PCMT1: variants seen among roughly 807,000 people sequenced by gnomAD.
PCMT1 encodes protein-L-isoaspartate(D-aspartate) O-methyltransferase.
PCMT1 carries 9 observed loss-of-function variants against 29.2 expected under a neutral mutation model. That is an observed-to-expected ratio of 0.31 (90% confidence interval 0.19 to 0.54). PCMT1 has a LOEUF of 0.54. Among genes scored for constraint, PCMT1 ranks in the 20% least tolerant of loss-of-function variants. The pLI is 0.95. For missense variants in PCMT1, 184 were observed against 282.2 expected (o/e 0.65, Z 2.49); for synonymous variants, 98 against 97.5 (o/e 1.00, Z -0.03).
At chr6:149,784,716 G>A (rs1047611061) in intron 3 of PCMT1, among the ~76,000 whole-genome samples, 9 of 151,902 alleles carry the variant, frequency 5.9e-5, no homozygotes, top group African/African-American at 2.2e-4. Flanking sequence ...CACCCACCTC[G>A]GCCTCCCAAA....
At position 149,777,775 on chromosome 6, in the gene PCMT1, T is replaced by C. The variant is rs545850046; in HGVS notation, c.192+4606T>C. Among the ~76,000 whole-genome samples, 12 of 152,228 alleles carry C rather than the reference T, an allele frequency of 7.9e-5. No individual in the cohort carries two copies. In the South Asian group the frequency reaches 1.0e-3, roughly 13 times the overall value. Reference sequence around the variant, plus strand: ...TTGATCTGTTATCAATTCCTTCCTTTCTTTCTTTGCTTTCTTTGACTTTCT... The same window carrying C: ...TTGATCTGTTATCAATTCCTTCCTTCCTTTCTTTGCTTTCTTTGACTTTCT... On this transcript the variant is annotated intron_variant, in intron 3 of 7. Transcript: ENST00000464889.
Position 149,762,891 on chromosome 6 carries a change from ATATC to A in PCMT1, c.56-8267_56-8264del, listed in dbSNP as rs1480501519. ...TATATCTATGATATATATGTTATAT[ATATC>A]TATGATATATATCTATGATATATAT... On this transcript the variant is annotated intron_variant, in intron 1 of 7. Transcript: ENST00000464889. Among the ~76,000 whole-genome samples, 94 of 58,074 alleles carry A rather than the reference ATATC, an allele frequency of 1.6e-3. 18 individuals are homozygous for A. The highest frequency in any genetic ancestry group is 0.034 in the Middle Eastern group (2 of 58). 38.1% of individuals were successfully genotyped at this position (58,074 alleles called of 152,430 possible). A position where few individuals can be genotyped will look rare whatever the true frequency, so the allele number is the denominator to read the frequency against.
intron 1 of PCMT1, among the ~76,000 whole-genome samples, chr6:149,764,147 TG>T (rs1421269971): frequency 1.3e-5 from 2 of 152,212 alleles, no homozygotes; most frequent in Admixed American, 6.5e-5. Context: ...AGAATTATTT[TG>T]GGAAATGAAT....
At chr6:149,751,702 G>C (rs1354819952) in intron 1 of PCMT1, among the ~76,000 whole-genome samples, 1 of 151,828 alleles carries the variant, frequency 6.6e-6, no homozygotes, top group Non-Finnish European at 1.5e-5. Context: ...GGCTGATGTC[G>C]AACTCCTGAC....
At chr6:149,782,314 C>T (rs981445237) in intron 3 of PCMT1, among the ~76,000 whole-genome samples, 7 of 151,948 alleles carry the variant, frequency 4.6e-5, no homozygotes, top group African/African-American at 1.5e-4. Flanking sequence ...TATTATAAGA[C>T]AAGCAGAAAG....
chr6:149,785,341 G>T (rs1787979516), intron 3 of PCMT1, among the ~76,000 whole-genome samples: 1 of 96,294 alleles, frequency 1.0e-5, no homozygotes, highest in Non-Finnish European at 1.9e-5. Context: ...TTTCTCTTTG[G>T]CATTGGCTGT....
intron 6 of PCMT1, chr6:149,798,002 C>CA (rs1466825189): frequency 6.6e-6 from 1 of 151,728 alleles, no homozygotes; most frequent in African/African-American, 2.4e-5. Context: ...TCCATCTCTA[C>CA]AAAAAATACA....
intron 3 of PCMT1, among the ~76,000 whole-genome samples, chr6:149,776,761 A>G (rs564705431): frequency 4.6e-5 from 7 of 152,220 alleles, no homozygotes; most frequent in Non-Finnish European, 8.8e-5. Context: ...ATAATGAGGT[A>G]CCAGTTTTCA....
intron 3 of PCMT1, among the ~76,000 whole-genome samples, chr6:149,780,914 G>C (rs549078696): frequency 6.6e-6 from 1 of 152,098 alleles, no homozygotes; most frequent in Admixed American, 6.6e-5. Context: ...AACATTTTGT[G>C]GAATGGCCAA....
At chr6:149,773,057 T>G in intron 2 of PCMT1, 81 bp from the exon 3 acceptor site, 5 of 996,806 alleles carry the variant, frequency 5.0e-6, no homozygotes, top group South Asian at 1.4e-5. Flanking sequence ...AAAAATAACG[T>G]ATGGATGGTA....
chr6:149,805,533 G>A (rs528790639), intron 7 of PCMT1, among the ~76,000 whole-genome samples: 25 of 152,138 alleles, frequency 1.6e-4, no homozygotes, highest in African/African-American at 5.8e-4. Flanking sequence ...GGCCGAGCTT[G>A]CAGTGAGCTG....
chr6:149,787,147 G>T (rs1788139769), intron 3 of PCMT1, among the ~76,000 whole-genome samples: 1 of 146,802 alleles, frequency 6.8e-6, no homozygotes, highest in Non-Finnish European at 1.5e-5. Context: ...GTGTGGTGGC[G>T]CGCGCCTGCA....
At chr6:149,786,105 G>T (rs1788041931) in intron 3 of PCMT1, among the ~76,000 whole-genome samples, 1 of 142,152 alleles carries the variant, frequency 7.0e-6, no homozygotes, top group Non-Finnish European at 1.5e-5. Flanking sequence ...TCCCAGTAGG[G>T]GCGGCCGGGC....
rs144570393 is a variant in PCMT1 at position 149,774,560 on chromosome 6, C to T, written c.192+1391C>T. ...AGTCTTTTTTTTTTTTTTTTTGAGA[C>T]GGAGTTTCGTTCTTGTGCCCAGGCT... is the stretch of plus-strand genomic sequence containing the variant. On this transcript the variant is annotated intron_variant, in intron 3 of 7. Transcript: ENST00000464889. Among the ~76,000 whole-genome samples the T allele has an allele frequency of 7.8e-3, 891 of 114,070 alleles. 11 individuals are homozygous for T. The highest frequency in any genetic ancestry group is 0.028 in the African/African-American group (834 of 29,450). 74.8% of individuals were successfully genotyped at this position (114,070 alleles called of 152,430 possible). A position where few individuals can be genotyped will look rare whatever the true frequency, so the allele number is the denominator to read the frequency against.
At chr6:149,762,832 GAT>G (rs1305798002) in intron 1 of PCMT1, among the ~76,000 whole-genome samples, 1 of 46,322 alleles carries the variant, frequency 2.2e-5, no homozygotes, top group Non-Finnish European at 2.9e-5. Context: ...TGATATATAT[GAT>G]ATATATATCT....
At chr6:149,770,891 C>T (rs574826785) in intron 1 of PCMT1, among the ~76,000 whole-genome samples, 12 of 141,892 alleles carry the variant, frequency 8.5e-5, no homozygotes, top group Non-Finnish European at 1.7e-4. Flanking sequence ...CCCAGCTACT[C>T]GGGAGGCTGA....
chr6:149,760,549 A>T (rs1419469560), intron 1 of PCMT1, among the ~76,000 whole-genome samples: 1 of 152,020 alleles, frequency 6.6e-6, no homozygotes, highest in Non-Finnish European at 1.5e-5. Flanking sequence ...GAAAACACCC[A>T]TTCCTTTTAA....
intron 3 of PCMT1, among the ~76,000 whole-genome samples, chr6:149,778,585 T>A (rs1478400722): frequency 6.6e-6 from 1 of 152,102 alleles, no homozygotes; most frequent in Non-Finnish European, 1.5e-5. Context: ...TTGCCCAGGC[T>A]GGAGTACAGA....
At chr6:149,762,834 T>TATATATATCTATG (rs537262812) in intron 1 of PCMT1, among the ~76,000 whole-genome samples, 1 of 52,842 alleles carries the variant, frequency 1.9e-5, no homozygotes, top group Admixed American at 3.5e-4. Flanking sequence ...ATATATATGA[T>TATATATATCTATG]ATATATATCT....
Sources: gnomAD v4.1 joint callset for allele counts (sites outside exome capture counted in the v4.1 genomes callset) on GRCh38, gnomAD v4.1.1 for gene constraint, MANE v1.5 for transcripts, NCBI Gene and HGNC (gene_info 2026-07-23, HGNC 2026-07-21) for gene names.